The following SNX27 variants were observed in gnomAD, a reference collection of about 807,000 sequenced individuals.
SNX27 encodes sorting nexin 27, also known as sorting nexin-27.
In SNX27, 22 loss-of-function variants were observed where a neutral mutation model predicts 71.6. That is an observed-to-expected ratio of 0.31 (90% CI 0.22 to 0.44). The LOEUF (loss-of-function observed/expected upper bound fraction) is 0.44, where lower values mean the gene tolerates loss of function less well. Among genes scored for constraint, SNX27 ranks in the 20% least tolerant of loss-of-function variants. SNX27 has a pLI of 1.00. For missense variants in SNX27, 531 were observed against 698.6 expected, an observed-to-expected ratio of 0.76 and a Z score of 2.70; for synonymous variants, 269 against 277.2, an observed-to-expected ratio of 0.97 and a Z score of 0.29.
chr1:151,630,307 A>G (rs1250300537), intron 1 of SNX27, among the ~76,000 whole-genome samples: 2 of 152,116 alleles, frequency 1.3e-5, no homozygotes, highest in Non-Finnish European at 2.9e-5. Flanking sequence ...CTTTAGATGC[A>G]TATTGCCAGT....
rs576144920 is a variant in SNX27 at position 151,612,713 on chromosome 1, G to T, written c.311+201G>T. Reference sequence around the variant, plus strand: ...CCCGCCCCGGGGCTTCTGCGACGCCGGTCTCCCACCCCGTCGTCTCCAGCT... The same window carrying T: ...CCCGCCCCGGGGCTTCTGCGACGCCTGTCTCCCACCCCGTCGTCTCCAGCT... On this transcript the variant is annotated intron_variant, in intron 1 of 11. Transcript: ENST00000458013. The surrounding 1 kb of genome is among the most constrained non-coding windows in gnomAD (Gnocchi z 5.2). Among the ~76,000 whole-genome samples, 4 of 151,226 alleles carry T rather than the reference G, an allele frequency of 2.6e-5. No homozygotes were observed. Among genetic ancestry groups the T allele is most frequent in the African/African-American group, 9.8e-5 (4 of 41,018 alleles).
At chr1:151,645,763 G>A (rs1290867228) in intron 2 of SNX27, among the ~76,000 whole-genome samples, 1 of 152,172 alleles carries the variant, frequency 6.6e-6, no homozygotes, top group Non-Finnish European at 1.5e-5. Flanking sequence ...GTGCTATTTT[G>A]TAACTTATGC....
intron 7 of SNX27, among the ~76,000 whole-genome samples, chr1:151,669,905 C>T (rs999002491): frequency 6.6e-6 from 1 of 152,100 alleles, no homozygotes; most frequent in Non-Finnish European, 1.5e-5. Context: ...CAGTTATACT[C>T]TTTTAGTAAT....
chr1:151,628,027 G>A (rs1414888758), intron 1 of SNX27, among the ~76,000 whole-genome samples: 1 of 115,756 alleles, frequency 8.6e-6, no homozygotes, highest in Non-Finnish European at 1.8e-5. Context: ...TTTTTTTTTA[G>A]ATGGAATTTC....
chr1:151,649,569 C>G (rs1030356997), intron 2 of SNX27, among the ~76,000 whole-genome samples: 4 of 152,224 alleles, frequency 2.6e-5, no homozygotes, highest in Non-Finnish European at 4.4e-5. Flanking sequence ...GGAGACAGAG[C>G]TAAACCCTGT....
At chr1:151,613,025 C>T (rs1194190410) in intron 1 of SNX27, among the ~76,000 whole-genome samples, 1 of 151,946 alleles carries the variant, frequency 6.6e-6, no homozygotes, top group Non-Finnish European at 1.5e-5. Flanking sequence ...GGCAGGACCT[C>T]TGGTCTGCTC....
intron 1 of SNX27, among the ~76,000 whole-genome samples, chr1:151,631,732 C>G (rs948728625): frequency 1.3e-5 from 2 of 152,196 alleles, no homozygotes; most frequent in African/African-American, 2.4e-5. Context: ...GTCACCCAGA[C>G]TGGAGTGCGG....
chr1:151,690,473 A>G (rs962332749), intron 8 of SNX27, among the ~76,000 whole-genome samples: 3 of 152,016 alleles, frequency 2.0e-5, no homozygotes, highest in Admixed American at 1.3e-4. Flanking sequence ...CAGGTCACTT[A>G]TTTTGAGATT....
intron 7 of SNX27, among the ~76,000 whole-genome samples, chr1:151,670,735 G>T (rs1015588759): frequency 6.6e-6 from 1 of 151,890 alleles, no homozygotes; most frequent in African/African-American, 2.4e-5. Flanking sequence ...TCTGTGAGTT[G>T]CTTTTTCACT....
intron 7 of SNX27, chr1:151,680,181 T>C (rs964040581): frequency 8.0e-5 from 12 of 150,548 alleles, no homozygotes; most frequent in African/African-American, 2.9e-4. Flanking sequence ...AGACAGAGTC[T>C]TGCTCTGTCT....
At chr1:151,693,762 C>T in intron 11 of SNX27, 1 of 1,509,430 alleles carries the variant, frequency 6.6e-7, no homozygotes, top group South Asian at 1.3e-5. Flanking sequence ...GGACCCTCCT[C>T]TGCCAGTTTT....
chr1:151,625,019 C>A (rs934869252), intron 1 of SNX27, among the ~76,000 whole-genome samples: 1 of 152,134 alleles, frequency 6.6e-6, no homozygotes, highest in Non-Finnish European at 1.5e-5. Flanking sequence ...ATAGAACACC[C>A]GGTCAAAGGT....
At chr1:151,618,414 A>C (rs1416946458) in intron 1 of SNX27, among the ~76,000 whole-genome samples, 1 of 152,204 alleles carries the variant, frequency 6.6e-6, no homozygotes, top group Non-Finnish European at 1.5e-5. Flanking sequence ...GTTGCAAACA[A>C]ATAAAACTAA....
intron 8 of SNX27, among the ~76,000 whole-genome samples, chr1:151,688,292 T>C (rs1671278743): frequency 6.6e-6 from 1 of 152,110 alleles, no homozygotes; most frequent in African/African-American, 2.4e-5. Flanking sequence ...GATTTGGTGT[T>C]TTAAATACCA....
At chr1:151,683,146 G>A (rs1671043001) in intron 7 of SNX27, among the ~76,000 whole-genome samples, 1 of 152,112 alleles carries the variant, frequency 6.6e-6, no homozygotes, top group Non-Finnish European at 1.5e-5. Context: ...TCCCTCCCTC[G>A]ACATATGGGG....
Position 151,612,488 on chromosome 1 carries a change from G to T in SNX27, c.287G>T (p.Arg96Leu). The change falls in exon 1 of 12, where the codon CGC becomes CTC. Residue 96 changes from arginine (R) to leucine (L), a missense_variant. Physicochemically the swap from Arg to Leu is moderately radical, Grantham distance 102. Transcript: ENST00000458013. This position sits in a 1 kb window ranked among gnomAD's most constrained non-coding sequence, Gnocchi z 5.2. ...PGGAADRAGVRKGDRILEVNH... is the reference protein window; with the variant it reads ...PGGAADRAGVLKGDRILEVNH... ...GGGGCGGCCGATCGGGCCGGGGTGCGCAAGGGGGACCGCATCCTGGAGGTG... is the reference window on the plus strand; with the variant it reads ...GGGGCGGCCGATCGGGCCGGGGTGCTCAAGGGGGACCGCATCCTGGAGGTG... 2.1e-6 allele frequency: 3 copies of T among 1,400,742 alleles called. No individual in the cohort carries two copies. Among genetic ancestry groups the T allele is most frequent in the African/African-American group, 1.5e-5 (1 of 67,052 alleles). 86.8% of individuals were successfully genotyped at this position (1,400,742 alleles called of 1,614,324 possible).
intron 7 of SNX27, chr1:151,676,152 T>C (rs1460715441): frequency 6.6e-6 from 1 of 151,562 alleles, no homozygotes; most frequent in African/African-American, 2.4e-5. Flanking sequence ...GTTTATTGAT[T>C]GTGTTTTTGT....
intron 3 of SNX27, chr1:151,660,135 T>C (rs984839634): frequency 6.6e-6 from 1 of 152,138 alleles, no homozygotes; most frequent in African/African-American, 2.4e-5. Flanking sequence ...CCAGTTTAAT[T>C]TACCATTCTC....
intron 2 of SNX27, among the ~76,000 whole-genome samples, chr1:151,656,112 A>G (rs1341453546): frequency 6.6e-6 from 1 of 151,664 alleles, no homozygotes; most frequent in African/African-American, 2.4e-5. Context: ...AGTCTCAGCT[A>G]CTTGGGAGGC....
Sources: gnomAD v4.1 joint callset for allele counts (sites outside exome capture counted in the v4.1 genomes callset) on GRCh38, gnomAD v4.1.1 for gene constraint, Gnocchi (gnomAD v3.1) non-coding constraint, MANE v1.5 for transcripts, NCBI Gene and HGNC (gene_info 2026-07-23, HGNC 2026-07-21) for gene names.